GRID2: variants seen among roughly 807,000 people sequenced by gnomAD.
The protein encoded by GRID2 is glutamate receptor ionotropic, delta-2.
Under a neutral mutation model 114.8 loss-of-function variants are expected in GRID2, and 33 were observed. The observed-to-expected ratio is 0.29, with a 90% CI of 0.22 to 0.38. GRID2 has a LOEUF of 0.38. Ranked by LOEUF, GRID2 falls within the 10% of genes least tolerant of loss-of-function variation. The probability of loss-of-function intolerance (pLI) is 1.00; values close to 1 mark genes in which losing one functional copy is unlikely to be tolerated. For synonymous variants in GRID2, 505 were observed against 449.9 expected (o/e 1.12, Z -1.55); for missense variants, 1,184 against 1,257.7 (o/e 0.94, Z 0.89).
At chr4:92,990,303 A>ATATATATATATATATATG (rs1553962937) in intron 2 of GRID2, among the ~76,000 whole-genome samples, 6 of 137,292 alleles carry the variant, frequency 4.4e-5, no homozygotes, top group Non-Finnish European at 7.9e-5. Context: ...ATATATATAT[A>ATATATATATATATATATG]TATGTGTGTG....
chr4:93,785,098 C>T (rs1023534971), intron 1 of GRID2, among the ~76,000 whole-genome samples: 3 of 152,042 alleles, frequency 2.0e-5, no homozygotes, highest in African/African-American at 4.8e-5. Context: ...TAACACAAAG[C>T]GTATTGAGAA....
chr4:92,403,370 C>T (rs1004728844), intron 1 of GRID2, among the ~76,000 whole-genome samples: 1 of 152,088 alleles, frequency 6.6e-6, no homozygotes, highest in African/African-American at 2.4e-5. Flanking sequence ...GTTCCTCTCT[C>T]AGTAAGCCTA....
chr4:93,089,210 A>G (rs1260183815), intron 3 of GRID2, among the ~76,000 whole-genome samples: 1 of 152,200 alleles, frequency 6.6e-6, no homozygotes, highest in African/African-American at 2.4e-5. Context: ...TAAGAATAAG[A>G]TTAATTTCCA....
intron 2 of GRID2, among the ~76,000 whole-genome samples, chr4:92,612,592 A>G (rs562852755): frequency 3.3e-5 from 5 of 151,494 alleles, no homozygotes; most frequent in Non-Finnish European, 7.4e-5. Context: ...TTTAGAATAC[A>G]TATCCACCTA....
At chr4:92,477,322 A>T (rs1384052612) in intron 1 of GRID2, among the ~76,000 whole-genome samples, 1 of 152,114 alleles carries the variant, frequency 6.6e-6, no homozygotes, top group Admixed American at 6.6e-5. Context: ...AGAAAGTTGC[A>T]ATCTGAATCT....
chr4:92,678,934 T>C (rs1733516004), intron 2 of GRID2, among the ~76,000 whole-genome samples: 1 of 151,644 alleles, frequency 6.6e-6, no homozygotes, highest in South Asian at 2.1e-4. Flanking sequence ...ACTTGTAGAG[T>C]TGGCATACCT....
At chr4:93,701,238 T>C (rs1308998387) in intron 14 of GRID2, among the ~76,000 whole-genome samples, 1 of 152,182 alleles carries the variant, frequency 6.6e-6, no homozygotes, top group African/African-American at 2.4e-5. Flanking sequence ...AGGAATGATT[T>C]CAAATCAAGA....
intron 1 of GRID2, among the ~76,000 whole-genome samples, chr4:92,354,415 A>T (rs1728219812): frequency 6.6e-6 from 1 of 151,872 alleles, no homozygotes; most frequent in African/African-American, 2.4e-5. Context: ...AATTTTGCTG[A>T]TATCACTGAA....
At chr4:92,942,335 G>T (rs1424818818) in intron 2 of GRID2, among the ~76,000 whole-genome samples, 1 of 152,014 alleles carries the variant, frequency 6.6e-6, no homozygotes, top group Non-Finnish European at 1.5e-5. Flanking sequence ...GGCCTTCTTT[G>T]TCTCTTCTGA....
intron 2 of GRID2, among the ~76,000 whole-genome samples, chr4:93,053,996 G>A (rs1159481752): frequency 6.6e-6 from 1 of 151,874 alleles, no homozygotes; most frequent in Non-Finnish European, 1.5e-5. Context: ...ATTTCATCCT[G>A]CAGTATAGGA....
chr4:93,257,246 A>C (rs1023283447), intron 8 of GRID2, among the ~76,000 whole-genome samples: 18 of 151,842 alleles, frequency 1.2e-4, no homozygotes, highest in African/African-American at 3.4e-4. Flanking sequence ...TATCCAAGAA[A>C]TGAACAGAAA....
intron 2 of GRID2, among the ~76,000 whole-genome samples, chr4:92,711,130 A>T (rs1269879265): frequency 3.3e-5 from 5 of 152,098 alleles, no homozygotes; most frequent in African/African-American, 4.8e-5. Context: ...TTTTTTAAAA[A>T]ATGCTATTTG....
intron 2 of GRID2, among the ~76,000 whole-genome samples, chr4:93,017,602 G>T (rs1722873975): frequency 6.6e-6 from 1 of 151,674 alleles, no homozygotes; most frequent in Admixed American, 6.6e-5. Flanking sequence ...ATCACTTGAG[G>T]TCAGGAGTTC....
intron 14 of GRID2, among the ~76,000 whole-genome samples, chr4:93,695,842 A>G (rs1304706824): frequency 6.6e-6 from 1 of 152,200 alleles, no homozygotes; most frequent in Non-Finnish European, 1.5e-5. Flanking sequence ...AGACAATGCT[A>G]TCTTCCTCTT....
chr4:92,470,480 T>C (rs925737144), intron 1 of GRID2, among the ~76,000 whole-genome samples: 1 of 151,914 alleles, frequency 6.6e-6, no homozygotes, highest in Non-Finnish European at 1.5e-5. Flanking sequence ...CATTTATTTC[T>C]GAAAAAAAGA....
chr4:92,801,034 A>G (rs1578209053), intron 2 of GRID2, among the ~76,000 whole-genome samples: 1 of 152,044 alleles, frequency 6.6e-6, no homozygotes, highest in African/African-American at 2.4e-5. Flanking sequence ...CAATGCATAT[A>G]TAATGTGTCA....
intron 13 of GRID2, among the ~76,000 whole-genome samples, chr4:93,524,815 GTA>G (rs1211931758): frequency 2.0e-5 from 1 of 49,260 alleles, no homozygotes; most frequent in African/African-American, 1.5e-4. Context: ...ATATATATAT[GTA>G]TGTATGTATA....
At chr4:93,651,256 T>C (rs761540651) in intron 14 of GRID2, among the ~76,000 whole-genome samples, 6 of 152,206 alleles carry the variant, frequency 3.9e-5, no homozygotes, top group Admixed American at 1.3e-4. Flanking sequence ...GACTGTTCCA[T>C]TTCCTTTCCA....
At chr4:92,977,687 A>G (rs1455979900) in intron 2 of GRID2, among the ~76,000 whole-genome samples, 3 of 152,156 alleles carry the variant, frequency 2.0e-5, no homozygotes, top group African/African-American at 7.2e-5. Flanking sequence ...TAAGACTTGG[A>G]CTATGGGGTT....
Sources: gnomAD v4.1 joint callset for allele counts (sites outside exome capture counted in the v4.1 genomes callset) on GRCh38, gnomAD v4.1.1 for gene constraint, MANE v1.5 for transcripts, NCBI Gene and HGNC (gene_info 2026-07-23, HGNC 2026-07-21) for gene names.